Variants in KDM4C observed in about 807,000 individuals in gnomAD.
KDM4C encodes the protein lysine demethylase 4C, also known as lysine-specific demethylase 4C.
Under a neutral mutation model 129.3 loss-of-function variants are expected in KDM4C, and 81 were observed. The ratio of observed to expected loss-of-function variants is 0.63; its 90% CI spans 0.52 to 0.75. The LOEUF is 0.75. Ranked by LOEUF, KDM4C falls within the 30% of genes least tolerant of loss-of-function variation. The pLI is 0.00. For synonymous variants in KDM4C, 573 were observed against 456.1 expected (o/e 1.26, Z -3.26); for missense variants, 1,457 against 1,304.0 (o/e 1.12, Z -1.81).
chr9:6,857,791 G>T (rs915280943), intron 5 of KDM4C, among the ~76,000 whole-genome samples: 9 of 146,304 alleles, frequency 6.2e-5, no homozygotes, highest in African/African-American at 2.3e-4. Flanking sequence ...GTCTCGCTCT[G>T]TTGCTCAGAT....
intron 4 of KDM4C, among the ~76,000 whole-genome samples, chr9:6,830,910 T>G (rs1279170597): frequency 6.6e-6 from 1 of 152,136 alleles, no homozygotes; most frequent in Admixed American, 6.5e-5. Flanking sequence ...TGGGAGAAAC[T>G]GAAGGAAAAA....
At chr9:7,052,903 G>GAGAGAGAGAGAC (rs1288627919) in intron 17 of KDM4C, among the ~76,000 whole-genome samples, 1 of 149,114 alleles carries the variant, frequency 6.7e-6, no homozygotes, top group African/African-American at 2.5e-5. Flanking sequence ...GAGAGAGAGC[G>GAGAGAGAGAGAC]AGCGAGTGCC....
At position 6,819,676 on chromosome 9, in the gene KDM4C, C is replaced by T. The variant is rs573463513; in HGVS notation, c.435+4931C>T. ...AAATGAGAAATAACTTGTATTTACCCGCCTTGAGGTAGACAAAGAATAACA... is the reference window on the plus strand; with the variant it reads ...AAATGAGAAATAACTTGTATTTACCTGCCTTGAGGTAGACAAAGAATAACA... On this transcript the variant is annotated intron_variant, in intron 4 of 21. Coordinates refer to ENST00000381309, the MANE Select transcript of KDM4C (RefSeq NM_015061.6). Among the ~76,000 whole-genome samples, 10 of 152,240 alleles carry T rather than the reference C, an allele frequency of 6.6e-5. No homozygotes were observed. The East Asian group carries it at 7.7e-4, about 12-fold the overall frequency.
chr9:7,130,837 C>T (rs962137537), intron 19 of KDM4C, among the ~76,000 whole-genome samples: 1 of 151,946 alleles, frequency 6.6e-6, no homozygotes, highest in African/African-American at 2.4e-5. Context: ...CAGCTCACTG[C>T]AGCCTTGTGC....
chr9:6,992,235 G>T (rs1003820966), intron 12 of KDM4C, among the ~76,000 whole-genome samples: 1 of 152,178 alleles, frequency 6.6e-6, no homozygotes, highest in Non-Finnish European at 1.5e-5. Context: ...GCTTTCTCCT[G>T]TGTCCTTATT....
rs138799646 is a variant in KDM4C, at chr9:6,918,102, A to C, written c.921+24870A>C. Among the ~76,000 whole-genome samples, 525 of 152,312 alleles carry C rather than the reference A, an allele frequency of 3.4e-3. 3 individuals are homozygous for C. The highest frequency in any genetic ancestry group is 0.011 in the African/African-American group (469 of 41,562). The stretch of plus-strand genomic sequence containing the variant: ...ATTGTGTGATGCTGAGGTTTGGGGT[A>C]CAATTGATCTCATCACCCAGGCAGT... On this transcript the variant is annotated intron_variant, in intron 8 of 21. Coordinates refer to ENST00000381309, the MANE Select transcript of KDM4C (RefSeq NM_015061.6).
At chr9:6,726,968 C>G (rs1817152785) in intron 1 of KDM4C, 1 of 152,166 alleles carries the variant, frequency 6.6e-6, no homozygotes, top group Non-Finnish European at 1.5e-5. Context: ...CTCCTGACCT[C>G]ATGTGGTCCT....
intron 4 of KDM4C, among the ~76,000 whole-genome samples, chr9:6,818,668 T>C (rs1832541657): frequency 6.6e-6 from 1 of 152,234 alleles, no homozygotes; most frequent in South Asian, 2.1e-4. Flanking sequence ...CTTGCCTTGT[T>C]AAACCAGCTT....
chr9:6,807,907 C>T (rs1425576843), intron 3 of KDM4C, among the ~76,000 whole-genome samples: 2 of 140,596 alleles, frequency 1.4e-5, no homozygotes, highest in Non-Finnish European at 3.1e-5. Context: ...TGTCAGCCCC[C>T]AGCCCGGCCA....
At chr9:6,925,421 C>T (rs1822296066) in intron 8 of KDM4C, 1 of 965,846 alleles carries the variant, frequency 1.0e-6, no homozygotes, top group Non-Finnish European at 1.2e-6. Flanking sequence ...TCCCTTTCCC[C>T]TTCCTCCTTT....
intron 17 of KDM4C, among the ~76,000 whole-genome samples, chr9:7,083,551 T>G (rs919178939): frequency 6.6e-6 from 1 of 152,226 alleles, no homozygotes; most frequent in African/African-American, 2.4e-5. Context: ...TACAGCATGC[T>G]ATTGTACTGA....
chr9:6,972,513 T>C (rs1269073575), intron 8 of KDM4C, among the ~76,000 whole-genome samples: 1 of 152,298 alleles, frequency 6.6e-6, no homozygotes, highest in East Asian at 1.9e-4. Context: ...TAATTCAAAA[T>C]TATCTGCTTA....
At chr9:7,073,258 A>G (rs1833454432) in intron 17 of KDM4C, among the ~76,000 whole-genome samples, 1 of 152,196 alleles carries the variant, frequency 6.6e-6, no homozygotes, top group African/African-American at 2.4e-5. Flanking sequence ...TTAATTAGAT[A>G]TTACAGTTTC....
intron 4 of KDM4C, among the ~76,000 whole-genome samples, chr9:6,826,582 T>C (rs1298347549): frequency 1.3e-5 from 2 of 152,094 alleles, no homozygotes; most frequent in East Asian, 1.9e-4. Context: ...TTTATCTTAT[T>C]TGGCCGGGCG....
At chr9:6,734,677 A>G (rs986210810) in intron 1 of KDM4C, 8 of 294,342 alleles carry the variant, frequency 2.7e-5, no homozygotes, top group Admixed American at 9.0e-5. Context: ...GCCGAGGCTG[A>G]CTCCTTTCAC....
chr9:6,738,761 T>C (rs1478789320), intron 1 of KDM4C, among the ~76,000 whole-genome samples: 1 of 150,846 alleles, frequency 6.6e-6, no homozygotes, highest in African/African-American at 2.4e-5. Flanking sequence ...TCTTTTCTTT[T>C]CTTTTCATTT....
intron 1 of KDM4C, among the ~76,000 whole-genome samples, chr9:6,741,056 C>G (rs895042053): frequency 6.6e-6 from 1 of 151,964 alleles, no homozygotes; most frequent in Non-Finnish European, 1.5e-5. Context: ...AACTCCTGAC[C>G]TCATGATCCG....
chr9:6,900,827 T>G (rs1817278699), intron 8 of KDM4C, among the ~76,000 whole-genome samples: 1 of 152,102 alleles, frequency 6.6e-6, no homozygotes, highest in Admixed American at 6.5e-5. Context: ...CAAGTGTGTG[T>G]GGGGAAGTTC....
At chr9:7,054,433 A>G (rs549489442) in intron 17 of KDM4C, among the ~76,000 whole-genome samples, 7 of 152,376 alleles carry the variant, frequency 4.6e-5, no homozygotes, top group African/African-American at 1.7e-4. Context: ...ATAGAGATAT[A>G]TAAAACACAC....
Sources: allele counts gnomAD v4.1 joint callset (sites outside exome capture counted in the v4.1 genomes callset), GRCh38; gene constraint gnomAD v4.1.1; transcripts MANE v1.5; gene names NCBI Gene and HGNC (gene_info 2026-07-23, HGNC 2026-07-21).